Variants in HIVEP3 observed in about 807,000 individuals in gnomAD.
HIVEP3 encodes HIVEP zinc finger 3.
In HIVEP3, 49 loss-of-function variants were observed where a neutral mutation model predicts 152.8. That is an observed-to-expected ratio of 0.32 (90% CI 0.26 to 0.41). The LOEUF is 0.41. HIVEP3 is among the 10% of genes least tolerant of loss of function. HIVEP3 has a pLI of 1.00. For synonymous variants in HIVEP3, 1,269 were observed against 1,289.0 expected, an observed-to-expected ratio of 0.98 and a Z score of 0.33; for missense variants, 2,790 against 3,103.3, an observed-to-expected ratio of 0.90 and a Z score of 2.40.
chr1:41,600,267 C>T (rs1388936772), intron 3 of HIVEP3, among the ~76,000 whole-genome samples: 1 of 152,176 alleles, frequency 6.6e-6, no homozygotes, highest in Non-Finnish European at 1.5e-5. Flanking sequence ...ATGTGTACAT[C>T]TATGTTCATA....
intron 2 of HIVEP3, among the ~76,000 whole-genome samples, chr1:41,686,910 A>G (rs1197496659): frequency 1.6e-4 from 24 of 152,236 alleles, no homozygotes. Context: ...AGCATCTACT[A>G]TGGACCAGGC....
chr1:41,720,052 G>A (rs550179499), intron 1 of HIVEP3, among the ~76,000 whole-genome samples: 1 of 152,350 alleles, frequency 6.6e-6, no homozygotes, highest in African/African-American at 2.4e-5. Context: ...GCCACACACT[G>A]AGCTCCAGAG....
intron 3 of HIVEP3, among the ~76,000 whole-genome samples, chr1:41,600,917 T>A (rs1210331988): frequency 6.6e-6 from 1 of 152,144 alleles, no homozygotes; most frequent in Non-Finnish European, 1.5e-5. Flanking sequence ...GTACGGTGAT[T>A]TTTATGTATG....
intron 1 of HIVEP3, among the ~76,000 whole-genome samples, chr1:41,947,130 C>T (rs999040587): frequency 6.6e-6 from 1 of 152,176 alleles, no homozygotes; most frequent in Non-Finnish European, 1.5e-5. Flanking sequence ...GATTGTTTTA[C>T]CCCAAGGGTT....
At chr1:41,610,342 T>A (rs567740754) in intron 3 of HIVEP3, among the ~76,000 whole-genome samples, 1 of 152,352 alleles carries the variant, frequency 6.6e-6, no homozygotes, top group Admixed American at 6.5e-5. Flanking sequence ...CTTGTGGTAA[T>A]GTATTTGTTT....
At chr1:41,896,799 C>T (rs141401915) in intron 1 of HIVEP3, among the ~76,000 whole-genome samples, 1 of 152,064 alleles carries the variant, frequency 6.6e-6, no homozygotes, top group East Asian at 1.9e-4. Context: ...TAGTCTCAAT[C>T]TCCTGACCTC....
chr1:41,733,454 C>G (rs2124190626), intron 1 of HIVEP3, among the ~76,000 whole-genome samples: 2 of 152,350 alleles, frequency 1.3e-5, no homozygotes. Flanking sequence ...GGGAAGGGTC[C>G]TTAGTGGCCA....
At chr1:41,914,538 C>T (rs1644842419) in intron 1 of HIVEP3, among the ~76,000 whole-genome samples, 2 of 152,152 alleles carry the variant, frequency 1.3e-5, no homozygotes, top group Non-Finnish European at 2.9e-5. Flanking sequence ...AAAGGGTCTA[C>T]ATTTATTTTC....
At chr1:41,925,474 T>A (rs1644963428) in intron 1 of HIVEP3, among the ~76,000 whole-genome samples, 1 of 152,094 alleles carries the variant, frequency 6.6e-6, no homozygotes, top group Admixed American at 6.5e-5. Flanking sequence ...TGGAAGTGAA[T>A]CATCATAAAG....
chr1:42,014,784 C>A (rs918921050), intron 1 of HIVEP3, among the ~76,000 whole-genome samples: 8 of 152,154 alleles, frequency 5.3e-5, no homozygotes, highest in African/African-American at 1.9e-4. Flanking sequence ...AAGTCAATGA[C>A]AAGAATTTTC....
intron 7 of HIVEP3, among the ~76,000 whole-genome samples, chr1:41,514,216 T>C (rs1225386298): frequency 1.3e-5 from 2 of 152,202 alleles, no homozygotes; most frequent in Non-Finnish European, 2.9e-5. Flanking sequence ...ATGGGCAACT[T>C]ACCACCTTGC....
At chr1:42,010,639 T>A (rs1645487789) in intron 1 of HIVEP3, among the ~76,000 whole-genome samples, 1 of 152,230 alleles carries the variant, frequency 6.6e-6, no homozygotes, top group Non-Finnish European at 1.5e-5. Flanking sequence ...ATTTCCTTTT[T>A]ATCTGCTGGG....
rs898752296 is a variant in HIVEP3 at position 41,974,144 on chromosome 1, G to A, written n.120-55620C>T. ...AGGGCAGGGGGTGGAGGTAGAGACT[G>A]GAAAAAGCCAAAGGCACAAGAGAGA... On this transcript the variant is annotated intron_variant and non_coding_transcript_variant, in intron 1 of 3. Coordinates refer to the HIVEP3 transcript ENST00000489103. 2.0e-5 allele frequency among the ~76,000 whole-genome samples: 3 copies of A among 152,164 alleles called. No individual in the cohort carries two copies. The East Asian group carries it at 5.8e-4, about 29-fold the overall frequency.
chr1:41,845,419 GCA>G (rs3032007), intron 1 of HIVEP3, among the ~76,000 whole-genome samples: 12,638 of 136,024 alleles, frequency 0.093, 626 homozygotes, highest in Middle Eastern at 0.17. Flanking sequence ...ACACACACAC[GCA>G]CACACACACA....
At chr1:41,744,904 A>G (rs1647049838) in intron 1 of HIVEP3, among the ~76,000 whole-genome samples, 1 of 152,124 alleles carries the variant, frequency 6.6e-6, no homozygotes, top group African/African-American at 2.4e-5. Context: ...GGGCAGGGGG[A>G]AGGGTGGGAG....
rs1644678839 is a variant in HIVEP3, at chr1:41,597,126, C to A, written c.-521-11808G>T. 2.0e-5 allele frequency among the ~76,000 whole-genome samples: 3 copies of A among 152,094 alleles called. No homozygotes were observed. In the South Asian group the frequency reaches 6.2e-4, roughly 32 times the overall value. ...CTAAACAGGGCTTGGAATTTCTGCA[C>A]ACTGGTCAAAAAGCAAATTCTATCG... On this transcript the variant is annotated intron_variant, in intron 3 of 8. Transcript: ENST00000372583.
intron 1 of HIVEP3, among the ~76,000 whole-genome samples, chr1:41,905,714 G>A (rs995320733): frequency 6.6e-6 from 1 of 152,202 alleles, no homozygotes; most frequent in Non-Finnish European, 1.5e-5. Flanking sequence ...TAGTGAGGGT[G>A]TCAAACAGGT....
At position 41,662,432 on chromosome 1, in the gene HIVEP3, C is replaced by T. The variant is rs1645731225; in HGVS notation, c.-720-33485G>A. ...TCAGGGGAAGTCGCAGGGGCCGGAC[C>T]ACCCACTTCTTTCCATTCACTCCCC... On this transcript the variant is annotated intron_variant, in intron 2 of 8. Coordinates refer to ENST00000372583, the MANE Select transcript of HIVEP3 (RefSeq NM_024503.5). This position sits in a 1 kb window ranked among gnomAD's most constrained non-coding sequence, Gnocchi z 7.2. The T allele has an allele frequency of 6.6e-6, 1 of 151,068 alleles. No individual in the cohort carries two copies. Among genetic ancestry groups the T allele is most frequent in the Non-Finnish European group, 1.5e-5 (1 of 67,738 alleles). 9.4% of individuals were successfully genotyped at this position (151,068 alleles called of 1,614,324 possible).
chr1:41,609,418 C>T (rs568498014), intron 3 of HIVEP3, among the ~76,000 whole-genome samples: 5 of 152,372 alleles, frequency 3.3e-5, no homozygotes, highest in South Asian at 2.1e-4. Context: ...TGCCTAAGGG[C>T]GTGCAAGCCT....
Sources: allele counts gnomAD v4.1 joint callset (sites outside exome capture counted in the v4.1 genomes callset), GRCh38; gene constraint gnomAD v4.1.1; non-coding constraint Gnocchi (gnomAD v3.1); transcripts MANE v1.5; gene names NCBI Gene and HGNC (gene_info 2026-07-23, HGNC 2026-07-21).